TNNI3K: variants seen among roughly 807,000 people sequenced by gnomAD.
TNNI3K encodes serine/threonine-protein kinase TNNI3K.
A neutral mutation model predicts 114.5 loss-of-function variants in TNNI3K; 140 were observed. The observed-to-expected ratio is 1.22, with a 90% confidence interval of 1.07 to 1.41. The LOEUF is 1.41. Among genes scored for constraint, TNNI3K ranks in the 40% most tolerant of loss-of-function variants. The pLI is 0.00. For synonymous variants in TNNI3K, 347 were observed against 347.5 expected (o/e 1.00, Z 0.02); for missense variants, 1,125 against 1,007.6 (o/e 1.12, Z -1.58).
chr1:74,369,646 T>C lies in TNNI3K; in HGVS notation c.1667+61T>C, dbSNP rs2100521183. ...TCCGTAGAAACTACTCTTGCAATAC[T>C]TCAGAGGGTTTCCCATTGGATGAGC... On this transcript the variant is annotated intron_variant, in intron 16 of 24. Coordinates refer to ENST00000326637, the MANE Select transcript of TNNI3K (RefSeq NM_015978.3). 1.2e-5 allele frequency: 18 copies of C among 1,476,498 alleles called. 1 individual carries two copies. In the South Asian group the frequency reaches 2.5e-4, roughly 20 times the overall value. The allele number at this position is 1,476,498 out of a possible 1,614,324, so 91.5% of individuals were successfully genotyped here.
intron 22 of TNNI3K, among the ~76,000 whole-genome samples, chr1:74,490,027 A>G (rs1219621864): frequency 6.8e-6 from 1 of 146,818 alleles, no homozygotes. Context: ...TGGAACCATC[A>G]AGAAAAGCAG....
intron 2 of TNNI3K, among the ~76,000 whole-genome samples, chr1:74,241,884 C>G (rs1268432736): frequency 3.5e-5 from 5 of 143,120 alleles, no homozygotes; most frequent in African/African-American, 1.3e-4. Context: ...GAGTCTCGCT[C>G]TGTCGCCCAG....
At chr1:74,355,286 A>G (rs1035887339) in intron 11 of TNNI3K, among the ~76,000 whole-genome samples, 1 of 152,174 alleles carries the variant, frequency 6.6e-6, no homozygotes, top group South Asian at 2.1e-4. Flanking sequence ...TAGCCTACCA[A>G]GTTGATTCGA....
rs45443204 is a variant in TNNI3K at position 74,271,590 on chromosome 1, C to T, written c.334-8C>T. 9,523 of 1,586,816 alleles carry T rather than the reference C, an allele frequency of 6.0e-3. 42 individuals are homozygous for T. The highest frequency in any genetic ancestry group is 0.023 in the Middle Eastern group (138 of 5,950). The stretch of plus-strand genomic sequence containing the variant: ...GAAAAGTAACACTAAAGATATGTTT[C>T]CTTACAGGATAATGCAGAATTGATC... On this transcript the variant is annotated splice_region_variant and splice_polypyrimidine_tract_variant and intron_variant, in intron 4 of 24. Coordinates refer to ENST00000326637, the MANE Select transcript of TNNI3K (RefSeq NM_015978.3).
intron 11 of TNNI3K, among the ~76,000 whole-genome samples, chr1:74,357,017 G>A (rs934163674): frequency 2.6e-5 from 4 of 152,194 alleles, no homozygotes; most frequent in African/African-American, 9.7e-5. Flanking sequence ...CTAAAAAAAT[G>A]TTGCATTGTT....
At chr1:74,428,169 T>A (rs1665724212) in intron 17 of TNNI3K, among the ~76,000 whole-genome samples, 1 of 152,120 alleles carries the variant, frequency 6.6e-6, no homozygotes, top group African/African-American at 2.4e-5. Context: ...AAGAGTTCAC[T>A]GAAATTAGGC....
intron 5 of TNNI3K, among the ~76,000 whole-genome samples, chr1:74,329,529 A>G (rs1035520736): frequency 6.6e-6 from 1 of 152,066 alleles, no homozygotes; most frequent in African/African-American, 2.4e-5. Context: ...TTATATGACA[A>G]CTATTAGCAT....
At chr1:74,466,053 C>T (rs991398676) in intron 21 of TNNI3K, among the ~76,000 whole-genome samples, 5 of 152,144 alleles carry the variant, frequency 3.3e-5, no homozygotes, top group African/African-American at 9.7e-5. Context: ...ACACTGACCC[C>T]GAAGGTCTGC....
At chr1:74,423,963 C>T (rs1408228858) in intron 17 of TNNI3K, among the ~76,000 whole-genome samples, 9 of 152,194 alleles carry the variant, frequency 5.9e-5, no homozygotes, top group Admixed American at 5.9e-4. Context: ...TCCTGTAGTT[C>T]TACAAATGAG....
chr1:74,523,437 T>C (rs1557626145), intron 23 of TNNI3K, among the ~76,000 whole-genome samples: 1 of 120,754 alleles, frequency 8.3e-6, no homozygotes, highest in African/African-American at 2.5e-5. Flanking sequence ...TGTATAAGAT[T>C]TTTCTTTTTT....
intron 3 of TNNI3K, among the ~76,000 whole-genome samples, 157 bp downstream of exon 3, chr1:74,249,701 C>T (rs1000749065): frequency 6.6e-6 from 1 of 152,192 alleles, no homozygotes; most frequent in African/African-American, 2.4e-5. Context: ...TAGGCAGTAA[C>T]TATCAGGCAG....
At chr1:74,416,730 A>T (rs1189707114) in intron 17 of TNNI3K, among the ~76,000 whole-genome samples, 1 of 152,018 alleles carries the variant, frequency 6.6e-6, no homozygotes, top group African/African-American at 2.4e-5. Flanking sequence ...GTACGATTTA[A>T]TTTTGTCATA....
At chr1:74,540,420 C>A in intron 24 of TNNI3K, 107 bp downstream of exon 24, 4 of 1,010,932 alleles carry the variant, frequency 4.0e-6, no homozygotes, top group South Asian at 3.3e-5. Context: ...TCCAAAATGA[C>A]AGATGCTTTA....
At position 74,313,267 on chromosome 1, in the gene TNNI3K, C is replaced by G. The variant is rs1478847715; in HGVS notation, c.445-18183C>G. Among the ~76,000 whole-genome samples the G allele has an allele frequency of 2.0e-5, 3 of 152,200 alleles. No homozygotes were observed. In the East Asian group the frequency reaches 5.8e-4, roughly 29 times the overall value. ...CATGCGATTTATCTCTACCGTTCTT[C>G]TCTCACCACGTTGACATCACATATT... is the stretch of plus-strand genomic sequence containing the variant. On this transcript the variant is annotated intron_variant, in intron 5 of 24. Transcript: ENST00000326637.
At chr1:74,354,347 A>G (rs144104265) in intron 11 of TNNI3K, among the ~76,000 whole-genome samples, 5 of 152,318 alleles carry the variant, frequency 3.3e-5, no homozygotes, top group African/African-American at 1.2e-4. Flanking sequence ...CATTCTCAGT[A>G]TTGGCACTTT....
At chr1:74,372,494 TAA>T (rs1278512836) in intron 17 of TNNI3K, 1 of 151,942 alleles carries the variant, frequency 6.6e-6, no homozygotes, top group African/African-American at 2.4e-5. Context: ...AGTTTTCACA[TAA>T]AAGTCATTTC....
chr1:74,287,654 T>G (rs1657414502), intron 5 of TNNI3K, among the ~76,000 whole-genome samples: 1 of 152,108 alleles, frequency 6.6e-6, no homozygotes, highest in Non-Finnish European at 1.5e-5. Flanking sequence ...GAGAAAAGCC[T>G]TTTTGAAATT....
intron 23 of TNNI3K, among the ~76,000 whole-genome samples, chr1:74,497,352 C>T (rs1374400509): frequency 1.3e-5 from 2 of 152,120 alleles, no homozygotes; most frequent in Non-Finnish European, 2.9e-5. Context: ...ACCTCTCTTG[C>T]ACTCTTTTTT....
intron 24 of TNNI3K, among the ~76,000 whole-genome samples, chr1:74,542,970 T>C (rs531613926): frequency 6.6e-6 from 1 of 152,232 alleles, no homozygotes; most frequent in African/African-American, 2.4e-5. Flanking sequence ...TTTATGTACC[T>C]TTAAAATTTG....
Sources: allele counts gnomAD v4.1 joint callset (sites outside exome capture counted in the v4.1 genomes callset), GRCh38; gene constraint gnomAD v4.1.1; transcripts MANE v1.5; gene names NCBI Gene and HGNC (gene_info 2026-07-23, HGNC 2026-07-21).